Variants in CNTNAP4 observed in about 807,000 individuals in gnomAD.
CNTNAP4 encodes contactin associated protein family member 4, also known as contactin-associated protein-like 4.
A neutral mutation model predicts 148.4 loss-of-function variants in CNTNAP4; 98 were observed. The ratio of observed to expected loss-of-function variants is 0.66; its 90% CI spans 0.56 to 0.78. CNTNAP4 has a LOEUF of 0.78. Among genes scored for constraint, CNTNAP4 ranks in the 30% least tolerant of loss-of-function variants. The pLI is 0.00. For synonymous variants in CNTNAP4, 730 were observed against 565.1 expected (o/e 1.29, Z -4.14); for missense variants, 1,935 against 1,565.6 (o/e 1.24, Z -3.98).
At chr16:76,291,752 C>T (rs1959125896) in intron 1 of CNTNAP4, among the ~76,000 whole-genome samples, 1 of 152,192 alleles carries the variant, frequency 6.6e-6, no homozygotes, top group Non-Finnish European at 1.5e-5. Context: ...AATAATCTTT[C>T]TAGTAAGTTT....
At chr16:76,544,275 C>A (rs1291699326) in intron 21 of CNTNAP4, among the ~76,000 whole-genome samples, 1 of 151,726 alleles carries the variant, frequency 6.6e-6, no homozygotes, top group Non-Finnish European at 1.5e-5. Flanking sequence ...TATAACTGTC[C>A]CATGCTTTTT....
intron 3 of CNTNAP4, among the ~76,000 whole-genome samples, chr16:76,418,231 T>TA (rs1762098611): frequency 6.6e-6 from 1 of 151,536 alleles, no homozygotes; most frequent in Non-Finnish European, 1.5e-5. Flanking sequence ...GTATTCCACT[T>TA]ACGCATATGT....
At chr16:76,334,505 A>G (rs1163483434) in intron 2 of CNTNAP4, among the ~76,000 whole-genome samples, 2 of 152,218 alleles carry the variant, frequency 1.3e-5, no homozygotes, top group Non-Finnish European at 2.9e-5. Flanking sequence ...AAGACTTTTA[A>G]TTATCCTTCA....
intron 3 of CNTNAP4, among the ~76,000 whole-genome samples, chr16:76,397,340 T>C (rs925362193): frequency 6.6e-6 from 1 of 151,972 alleles, no homozygotes; most frequent in Non-Finnish European, 1.5e-5. Context: ...ATCCCCGAGC[T>C]ACCAATGTCA....
At chr16:76,338,134 G>A (rs1034330214) in intron 2 of CNTNAP4, among the ~76,000 whole-genome samples, 1 of 152,118 alleles carries the variant, frequency 6.6e-6, no homozygotes, top group Non-Finnish European at 1.5e-5. Context: ...GTATCGATTG[G>A]GGAAGCGATA....
chr16:76,467,593 A>T (rs2081220511), intron 10 of CNTNAP4, 70 bp downstream of exon 10: 2 of 1,227,070 alleles, frequency 1.6e-6, no homozygotes, highest in African/African-American at 1.5e-5. Context: ...TATGTATAAG[A>T]TGAACAATTA....
chr16:76,371,435 G>A lies in CNTNAP4; in HGVS notation c.390+15924G>A, dbSNP rs142417608. On this transcript the variant is annotated intron_variant, in intron 3 of 23. Transcript: ENST00000611870. Reference sequence around the variant, plus strand: ...TGAGTAGCTGGGATTACAGGTGCGTGCCTCCCGCCTGGCTAATTTTTGTAA... The same window carrying A: ...TGAGTAGCTGGGATTACAGGTGCGTACCTCCCGCCTGGCTAATTTTTGTAA... Among the ~76,000 whole-genome samples the A allele has an allele frequency of 2.8e-3, 421 of 152,180 alleles. 2 individuals carry two copies. The highest frequency in any genetic ancestry group is 9.5e-3 in the African/African-American group (393 of 41,518).
intron 17 of CNTNAP4, among the ~76,000 whole-genome samples, chr16:76,523,645 G>C (rs955264239): frequency 6.6e-6 from 1 of 152,150 alleles, no homozygotes; most frequent in African/African-American, 2.4e-5. Flanking sequence ...ATTAGAAATT[G>C]TACTTCAAGG....
intron 7 of CNTNAP4, among the ~76,000 whole-genome samples, chr16:76,451,481 A>T (rs2080468866): frequency 6.6e-6 from 1 of 152,142 alleles, no homozygotes; most frequent in African/African-American, 2.4e-5. Flanking sequence ...ACAGCATTTT[A>T]TTTCTAATTA....
At chr16:76,470,799 TAC>T (rs1350569642) in intron 10 of CNTNAP4, among the ~76,000 whole-genome samples, 6 of 151,980 alleles carry the variant, frequency 3.9e-5, no homozygotes, top group Non-Finnish European at 8.8e-5. Flanking sequence ...TAAATACAAA[TAC>T]ACACACATGC....
chr16:76,480,331 G>A (rs1240019785), intron 12 of CNTNAP4, among the ~76,000 whole-genome samples: 1 of 151,934 alleles, frequency 6.6e-6, no homozygotes, highest in Admixed American at 6.6e-5. Context: ...AAACTTTTAG[G>A]AGATCATATT....
chr16:76,432,218 T>C (rs1597514815), intron 4 of CNTNAP4, among the ~76,000 whole-genome samples: 1 of 152,186 alleles, frequency 6.6e-6, no homozygotes, highest in African/African-American at 2.4e-5. Context: ...ACATGTTTGC[T>C]GAAGTCATAG....
chr16:76,535,404 G>A (rs2084171387), intron 17 of CNTNAP4, 141 bp from the exon 18 acceptor site: 1 of 788,558 alleles, frequency 1.3e-6, no homozygotes, highest in Admixed American at 2.9e-5. Flanking sequence ...GTCTATATTT[G>A]ACCATGAATT....
In CNTNAP4 at chr16:76,338,930, CAG is replaced by C. The variant is rs199943696; in HGVS notation, c.197-16385_197-16384del. Among the ~76,000 whole-genome samples, 577 of 152,266 alleles carry C rather than the reference CAG, an allele frequency of 3.8e-3. 4 individuals carry two copies. The highest frequency in any genetic ancestry group is 0.013 in the African/African-American group (545 of 41,560). On this transcript the variant is annotated intron_variant, in intron 2 of 23. Coordinates refer to ENST00000611870, the MANE Select transcript of CNTNAP4 (RefSeq NM_033401.5). ...GATCTCTGTTTATAGCCAGCAGATCCAGAGTCATTCCCAGCATTTCTTTTGAT... is the reference window on the plus strand; with the variant it reads ...GATCTCTGTTTATAGCCAGCAGATCCAGTCATTCCCAGCATTTCTTTTGAT...
chr16:76,363,551 C>T (rs577737183), intron 3 of CNTNAP4, among the ~76,000 whole-genome samples: 30 of 152,106 alleles, frequency 2.0e-4, no homozygotes, highest in Admixed American at 9.2e-4. Flanking sequence ...TAGAAAAAAA[C>T]GTACAGAAAC....
intron 11 of CNTNAP4, among the ~76,000 whole-genome samples, chr16:76,476,332 C>T (rs1900248486): frequency 6.6e-6 from 1 of 152,142 alleles, no homozygotes; most frequent in Non-Finnish European, 1.5e-5. Context: ...CAAATTGGGC[C>T]AGCATTTTGA....
At chr16:76,454,664 A>G (rs1189148886) in intron 8 of CNTNAP4, among the ~76,000 whole-genome samples, 2 of 152,190 alleles carry the variant, frequency 1.3e-5, no homozygotes, top group Non-Finnish European at 2.9e-5. Context: ...AAAATAGACT[A>G]TTTAAATGGT....
At position 76,507,262 on chromosome 16, in the gene CNTNAP4, A is replaced by G. The variant is rs1248689646; in HGVS notation, c.2365+8568A>G. 1.3e-4 allele frequency among the ~76,000 whole-genome samples: 13 copies of G among 97,140 alleles called. 2 individuals are homozygous for G. Among genetic ancestry groups the G allele is most frequent in the African/African-American group, 3.4e-4 (13 of 38,796 alleles). The allele number at this position is 97,140 out of a possible 152,430, so 63.7% of individuals were successfully genotyped here. A position where few individuals can be genotyped will look rare whatever the true frequency, so the allele number is the denominator to read the frequency against. On this transcript the variant is annotated intron_variant, in intron 15 of 23. Coordinates refer to ENST00000611870, the MANE Select transcript of CNTNAP4 (RefSeq NM_033401.5). ...TATTTTTGTTATTTTAAAATGTACA[A>G]TTACATTATTATTGACTGTAGTCAC...
chr16:76,320,962 A>T (rs1962344475), intron 2 of CNTNAP4, among the ~76,000 whole-genome samples: 2 of 152,232 alleles, frequency 1.3e-5, no homozygotes, highest in Non-Finnish European at 2.9e-5. Flanking sequence ...AGTATATAAA[A>T]GATGGTTTCC....
Sources: gnomAD v4.1 joint callset for allele counts (sites outside exome capture counted in the v4.1 genomes callset) on GRCh38, gnomAD v4.1.1 for gene constraint, MANE v1.5 for transcripts, NCBI Gene and HGNC (gene_info 2026-07-23, HGNC 2026-07-21) for gene names.